ARSB: variants seen among roughly 807,000 people sequenced by gnomAD.
The protein encoded by ARSB is N-acetylgalactosamine-4-sulfatase.
Under a neutral mutation model 50.9 loss-of-function variants are expected in ARSB, and 41 were observed. The observed-to-expected ratio is 0.81, with a 90% CI of 0.63 to 1.04. ARSB has a LOEUF of 1.04. Among genes scored for constraint, ARSB ranks in the 50% least tolerant of loss-of-function variants. The pLI, the probability that ARSB is intolerant of heterozygous loss-of-function variation, is 0.00. For synonymous variants in ARSB, 269 were observed against 284.8 expected (o/e 0.94, Z 0.56); for missense variants, 672 against 693.3 (o/e 0.97, Z 0.35).
chr5:78,883,516 G>A (rs1747862039), intron 5 of ARSB: 1 of 152,176 alleles, frequency 6.6e-6, no homozygotes, highest in Non-Finnish European at 1.5e-5. Flanking sequence ...GTTTAGAAAT[G>A]GTGAAGAAAT....
chr5:78,951,034 T>C (rs958216079), intron 4 of ARSB, among the ~76,000 whole-genome samples: 2 of 152,288 alleles, frequency 1.3e-5, no homozygotes, highest in Admixed American at 6.5e-5. Flanking sequence ...TGACCTCAAG[T>C]AGATCTGGGT....
In ARSB at chr5:78,985,099, CAAG is replaced by C. The variant is rs763376624; in HGVS notation, c.147_149del (p.Phe49del). The stretch of plus-strand genomic sequence containing the variant: ...CGTTCCAGCCTAGGTCGTCTGCCAG[CAAG>C]AAGACCAGGTGGGGCGGCCGGCTGG... On this transcript the variant is annotated inframe_deletion, in exon 1 of 8. Transcript: ENST00000264914. The C allele has an allele frequency of 1.3e-6, 2 of 1,520,844 alleles. No homozygotes were observed. Among genetic ancestry groups the C allele is most frequent in the African/African-American group, 2.9e-5 (2 of 69,782 alleles). 94.2% of individuals were successfully genotyped at this position (1,520,844 alleles called of 1,614,324 possible). A position where few individuals can be genotyped will look rare whatever the true frequency, so the allele number is the denominator to read the frequency against.
chr5:78,790,081 T>G (rs73120609), intron 6 of ARSB, among the ~76,000 whole-genome samples: 2,202 of 152,174 alleles, frequency 0.014, 54 homozygotes, highest in African/African-American at 0.05. Context: ...GAGCTGGACA[T>G]GATTGGAGAA....
At chr5:78,929,076 GA>G (rs1345099189) in intron 4 of ARSB, among the ~76,000 whole-genome samples, 1 of 152,140 alleles carries the variant, frequency 6.6e-6, no homozygotes, top group Non-Finnish European at 1.5e-5. Context: ...CCTCCCCTAA[GA>G]AGCTCCTCAA....
intron 3 of ARSB, among the ~76,000 whole-genome samples, chr5:78,957,877 G>A (rs957639333): frequency 1.3e-5 from 2 of 151,796 alleles, no homozygotes; most frequent in Admixed American, 6.6e-5. Context: ...GCACTAGACT[G>A]AGCCAACTCC....
chr5:78,826,639 C>T (rs1206106577), intron 6 of ARSB, among the ~76,000 whole-genome samples: 1 of 152,180 alleles, frequency 6.6e-6, no homozygotes, highest in Non-Finnish European at 1.5e-5. Context: ...TTTCTCTCAA[C>T]TCCTTTTACT....
intron 6 of ARSB, among the ~76,000 whole-genome samples, chr5:78,831,642 C>A (rs1581013905): frequency 6.6e-6 from 1 of 152,164 alleles, no homozygotes; most frequent in South Asian, 2.1e-4. Context: ...CGGGTCTGAA[C>A]AGCCCTGAGT....
intron 4 of ARSB, among the ~76,000 whole-genome samples, chr5:78,934,076 T>C (rs1272698927): frequency 3.3e-5 from 5 of 152,198 alleles, no homozygotes; most frequent in South Asian, 4.1e-4. Flanking sequence ...GTCTTGGTCA[T>C]AGGACCACAG....
intron 6 of ARSB, among the ~76,000 whole-genome samples, chr5:78,803,008 G>A (rs1743450613): frequency 6.6e-6 from 1 of 152,198 alleles, no homozygotes; most frequent in Non-Finnish European, 1.5e-5. Context: ...CTCCTGCAGG[G>A]ATTAAAGAGA....
intron 5 of ARSB, among the ~76,000 whole-genome samples, chr5:78,842,707 A>C (rs1445404111): frequency 6.6e-6 from 1 of 151,652 alleles, no homozygotes; most frequent in South Asian, 2.1e-4. Context: ...CACATGAAAG[A>C]TCCCTCTCTT....
At chr5:78,826,792 T>G (rs1229637517) in intron 6 of ARSB, among the ~76,000 whole-genome samples, 1 of 152,184 alleles carries the variant, frequency 6.6e-6, no homozygotes, top group Non-Finnish European at 1.5e-5. Flanking sequence ...AACAGTATGA[T>G]ACCCCCAAAA....
intron 4 of ARSB, among the ~76,000 whole-genome samples, chr5:78,888,050 G>A (rs1190390276): frequency 6.6e-6 from 1 of 152,178 alleles, no homozygotes; most frequent in Non-Finnish European, 1.5e-5. Context: ...TGTGCTTCTC[G>A]AAAGGGAGTA....
chr5:78,948,328 C>T (rs1017820349), intron 4 of ARSB, among the ~76,000 whole-genome samples: 4 of 151,954 alleles, frequency 2.6e-5, no homozygotes, highest in South Asian at 2.1e-4. Flanking sequence ...ATGATAAATG[C>T]TTGAGGGCAT....
At chr5:78,894,234 G>A (rs1053779889) in intron 4 of ARSB, among the ~76,000 whole-genome samples, 7 of 152,304 alleles carry the variant, frequency 4.6e-5, no homozygotes, top group South Asian at 4.1e-4. Flanking sequence ...AACAACTTGC[G>A]TGGTGAGAAA....
intron 5 of ARSB, among the ~76,000 whole-genome samples, chr5:78,847,664 G>C (rs1745507272): frequency 6.6e-6 from 1 of 152,152 alleles, no homozygotes; most frequent in Non-Finnish European, 1.5e-5. Flanking sequence ...ATGTTTTGTA[G>C]AATTCTGCAA....
At chr5:78,889,773 A>G (rs1182910110) in intron 4 of ARSB, among the ~76,000 whole-genome samples, 2 of 152,230 alleles carry the variant, frequency 1.3e-5, no homozygotes, top group Non-Finnish European at 2.9e-5. Flanking sequence ...TGACAACAGC[A>G]TTAATTTTTA....
At chr5:78,971,159 C>G (rs1456183350) in intron 1 of ARSB, among the ~76,000 whole-genome samples, 2 of 152,154 alleles carry the variant, frequency 1.3e-5, no homozygotes, top group Non-Finnish European at 2.9e-5. Context: ...CCAGTTTGGC[C>G]CTGTCACAGC....
At position 78,885,657 on chromosome 5, in the gene ARSB, G is replaced by A; in HGVS notation, c.1069C>T (p.Leu357Phe). 6.2e-7 allele frequency: 1 copy of A among 1,614,134 alleles called. No individual in the cohort carries two copies. The highest frequency in any genetic ancestry group is 8.5e-7 in the Non-Finnish European group (1 of 1,180,028). ...GTGTGTCCCCTGGCCAGCTTCACGA[G>A]TGTTGGCAGCCAGTCAGAGATGTGG... The part of the protein sequence containing the change: ...LIHISDWLPT[L>F]VKLARGHTNG... The change falls in exon 5 of 8, where the codon CTC (leucine) becomes TTC (phenylalanine). Residue 357 changes from leucine (L) to phenylalanine (F), a missense_variant. By Grantham distance (22) the Leu-to-Phe change is conservative. Transcript: ENST00000264914.
At chr5:78,810,111 G>A (rs956797364) in intron 6 of ARSB, among the ~76,000 whole-genome samples, 16 of 152,312 alleles carry the variant, frequency 1.1e-4, no homozygotes, top group Admixed American at 3.9e-4. Context: ...CAAATTTCCC[G>A]ACCCCCGCAA....
Sources: gnomAD v4.1 joint callset for allele counts (sites outside exome capture counted in the v4.1 genomes callset) on GRCh38, gnomAD v4.1.1 for gene constraint, MANE v1.5 for transcripts, NCBI Gene and HGNC (gene_info 2026-07-23, HGNC 2026-07-21) for gene names.